CRB1: variants seen among roughly 807,000 people sequenced by gnomAD.
The protein encoded by CRB1 is crumbs cell polarity complex component 1.
CRB1 carries 83 observed loss-of-function variants against 120.0 expected under a neutral mutation model. The ratio of observed to expected loss-of-function variants is 0.69; its 90% CI spans 0.58 to 0.83. The LOEUF (loss-of-function observed/expected upper bound fraction) is 0.83, where lower values mean the gene tolerates loss of function less well. Ranked by LOEUF, CRB1 falls within the 40% of genes least tolerant of loss-of-function variation. The pLI is 0.00. For synonymous variants in CRB1, 625 were observed against 612.5 expected (o/e 1.02, Z -0.30); for missense variants, 1,699 against 1,687.6 (o/e 1.01, Z -0.12).
the CRB1 span, among the ~76,000 whole-genome samples, chr1:197,239,837 C>T: frequency 6.7e-6 from 1 of 148,704 alleles, no homozygotes; most frequent in African/African-American, 2.5e-5. Context: ...CTTTGTATAG[C>T]TTTTTGATGG....
At chr1:197,351,270 G>A (rs1050137596) in intron 4 of CRB1, among the ~76,000 whole-genome samples, 2 of 142,472 alleles carry the variant, frequency 1.4e-5, no homozygotes, top group Non-Finnish European at 3.0e-5. Context: ...TGAGGCAGGA[G>A]AATCACTTGA....
At chr1:197,368,072 A>G (rs1443675031) in intron 5 of CRB1, among the ~76,000 whole-genome samples, 1 of 152,182 alleles carries the variant, frequency 6.6e-6, no homozygotes, top group Non-Finnish European at 1.5e-5. Context: ...CCAAGCATAT[A>G]TCATTCAAAG....
chr1:197,422,202 T>C (rs1664372863), intron 6 of CRB1, among the ~76,000 whole-genome samples: 1 of 152,206 alleles, frequency 6.6e-6, no homozygotes, highest in South Asian at 2.1e-4. Flanking sequence ...CAGATAGCTC[T>C]TTTCCAAAGA....
At chr1:197,458,242 AAGAGC>A (rs1666370526) in intron 11 of CRB1, among the ~76,000 whole-genome samples, 1 of 152,074 alleles carries the variant, frequency 6.6e-6, no homozygotes, top group African/African-American at 2.4e-5. Context: ...GGATCCAGGA[AAGAGC>A]TAGTAGAGTT....
chr1:197,429,211 C>A, intron 7 of CRB1: 3 of 1,491,228 alleles, frequency 2.0e-6, no homozygotes, highest in African/African-American at 1.4e-5. Flanking sequence ...CCTCCTTGTG[C>A]TATGGATCAA....
chr1:197,421,691 C>A lies in CRB1; in HGVS notation c.1863C>A (p.Thr621=). ...SFLGGLPVGM[T]SNGVALLNFY... ...TGGGTGGTTTACCAGTGGGAATGAC[C>A]AGCAATGGTGTTGCTCTGCTTAACT... Residue 621 remains threonine (T), a synonymous_variant, in exon 6 of 12, where the codon ACC becomes ACA. Coordinates refer to ENST00000367400, the MANE Select transcript of CRB1 (RefSeq NM_201253.3). 6.2e-7 allele frequency: 1 copy of A among 1,614,160 alleles called. No individual in the cohort carries two copies. Among genetic ancestry groups the A allele is most frequent in the Non-Finnish European group, 8.5e-7 (1 of 1,180,028 alleles).
intron 7 of CRB1, among the ~76,000 whole-genome samples, chr1:197,428,392 T>C (rs1458457577): frequency 6.6e-6 from 1 of 152,258 alleles, no homozygotes; most frequent in Non-Finnish European, 1.5e-5. Context: ...CTACTATTGT[T>C]TTGAACTTTT....
chr1:197,381,951 G>A (rs1259656519), intron 5 of CRB1, among the ~76,000 whole-genome samples: 1 of 152,094 alleles, frequency 6.6e-6, no homozygotes, highest in Admixed American at 6.5e-5. Context: ...GCTTTCCAAA[G>A]GGTCTCTCCT....
At chr1:197,475,792 T>C (rs537969286) in intron 11 of CRB1, among the ~76,000 whole-genome samples, 1 of 152,278 alleles carries the variant, frequency 6.6e-6, no homozygotes, top group South Asian at 2.1e-4. Flanking sequence ...ATATAGTATT[T>C]TCTCTCACCA....
intron 2 of CRB1, 86 bp downstream of exon 2, chr1:197,329,089 C>T: frequency 4.2e-6 from 5 of 1,192,152 alleles, no homozygotes; most frequent in Non-Finnish European, 6.1e-6. Context: ...ATTTTTCACA[C>T]AATCATTTAT....
At chr1:197,420,463 C>G (rs1664246344) in intron 5 of CRB1, among the ~76,000 whole-genome samples, 1 of 152,122 alleles carries the variant, frequency 6.6e-6, no homozygotes, top group Non-Finnish European at 1.5e-5. Flanking sequence ...GCCTTCCATT[C>G]ACCTTAGAAG....
chr1:197,396,186 G>T (rs566288288), intron 5 of CRB1, among the ~76,000 whole-genome samples: 1 of 152,006 alleles, frequency 6.6e-6, no homozygotes, highest in Non-Finnish European at 1.5e-5. Flanking sequence ...GTTTTTATAC[G>T]CTAGCATTGA....
intron 11 of CRB1, chr1:197,447,598 T>C (rs1665761347): frequency 6.6e-6 from 1 of 152,096 alleles, no homozygotes; most frequent in Non-Finnish European, 1.5e-5. Flanking sequence ...TCCCAGCATT[T>C]TGGGAGGCCT....
Position 197,450,441 on chromosome 1 carries a change from A to C in CRB1, c.4005+8149A>C, listed in dbSNP as rs367617343. Among the ~76,000 whole-genome samples, 4 of 152,114 alleles carry C rather than the reference A, an allele frequency of 2.6e-5. No homozygotes were observed. In the East Asian group the frequency reaches 5.8e-4, roughly 22 times the overall value. On this transcript the variant is annotated intron_variant, in intron 11 of 11. Transcript: ENST00000367400. ...GTTTGTTACATAGGTATATTGTGTG[A>C]TGCGTGATGCTGAAGTTTGGCATAT...
chr1:197,381,595 C>T (rs951459182), intron 5 of CRB1, among the ~76,000 whole-genome samples: 7 of 152,272 alleles, frequency 4.6e-5, no homozygotes, highest in Non-Finnish European at 7.4e-5. Flanking sequence ...TAAATTCTCT[C>T]ACTATAATAC....
Position 197,429,438 on chromosome 1 carries a change from T to C in CRB1, c.2677-11T>C. On this transcript the variant is annotated splice_polypyrimidine_tract_variant and intron_variant, in intron 7 of 11. Transcript: ENST00000367400. Reference sequence around the variant, plus strand: ...AGTGCTTTTTATACCTTTGATTTCTTTTCTGCTCAGTCCAACCCCTGTCAC... The same window carrying C: ...AGTGCTTTTTATACCTTTGATTTCTCTTCTGCTCAGTCCAACCCCTGTCAC... The C allele has an allele frequency of 6.2e-7, 1 of 1,614,006 alleles. No homozygotes were observed. Among genetic ancestry groups the C allele is most frequent in the African/African-American group, 1.3e-5 (1 of 75,030 alleles).
chr1:197,422,991 A>G (rs970368665), intron 6 of CRB1, among the ~76,000 whole-genome samples: 3 of 152,198 alleles, frequency 2.0e-5, no homozygotes, highest in African/African-American at 7.2e-5. Context: ...CCTGTTTGAC[A>G]ATGAAGTATG....
intron 5 of CRB1, among the ~76,000 whole-genome samples, chr1:197,413,215 T>C (rs1663801570): frequency 6.6e-6 from 1 of 152,192 alleles, no homozygotes; most frequent in Non-Finnish European, 1.5e-5. Flanking sequence ...CTTTTTTTGT[T>C]TGTACTCTAA....
chr1:197,421,376 T>C lies in CRB1; in HGVS notation c.1548T>C (p.Thr516=), dbSNP rs1187508082. The change falls in exon 6 of 12, where the codon ACT becomes ACC. Residue 516 remains threonine, a synonymous_variant. Coordinates refer to ENST00000367400, the MANE Select transcript of CRB1 (RefSeq NM_201253.3). ...GTAACATAGCCCTCAGGTTTCAGAC[T>C]GTTCAGCCAATGGCTCTTCTACTTT... is the stretch of plus-strand genomic sequence containing the variant. ...SVCNIALRFQ[T]VQPMALLLFR... The C allele has an allele frequency of 6.2e-7, 1 of 1,614,242 alleles. No homozygotes were observed. Among genetic ancestry groups the C allele is most frequent in the Admixed American group, 1.7e-5 (1 of 60,034 alleles).
Sources: allele counts gnomAD v4.1 joint callset (sites outside exome capture counted in the v4.1 genomes callset), GRCh38; gene constraint gnomAD v4.1.1; transcripts MANE v1.5; gene names NCBI Gene and HGNC (gene_info 2026-07-23, HGNC 2026-07-21).